The following PLEKHA5 variants were observed in gnomAD, a reference collection of about 807,000 sequenced individuals.
The protein encoded by PLEKHA5 is pleckstrin homology domain containing A5.
Under a neutral mutation model 181.9 loss-of-function variants are expected in PLEKHA5, and 55 were observed. The observed-to-expected ratio is 0.30, with a 90% CI of 0.24 to 0.38. The LOEUF is 0.38. Among genes scored for constraint, PLEKHA5 ranks in the 10% least tolerant of loss-of-function variants. The pLI, the probability that PLEKHA5 is intolerant of heterozygous loss-of-function variation, is 1.00. For synonymous variants in PLEKHA5, 535 were observed against 529.4 expected, an observed-to-expected ratio of 1.01 and a Z score of -0.15; for missense variants, 1,432 against 1,549.5, an observed-to-expected ratio of 0.92 and a Z score of 1.27.
chr12:19,165,771 A>C (rs1591885195), intron 3 of PLEKHA5, among the ~76,000 whole-genome samples: 1 of 152,142 alleles, frequency 6.6e-6, no homozygotes, highest in East Asian at 1.9e-4. Context: ...TTTTGGTCTA[A>C]CTATCAAATG....
At chr12:19,232,942 C>T (rs1412563146) in intron 3 of PLEKHA5, among the ~76,000 whole-genome samples, 1 of 152,076 alleles carries the variant, frequency 6.6e-6, no homozygotes, top group Non-Finnish European at 1.5e-5. Context: ...TACTCTACTT[C>T]AGTTTATATA....
At chr12:19,250,045 C>T (rs1053066331) in intron 3 of PLEKHA5, among the ~76,000 whole-genome samples, 2 of 152,184 alleles carry the variant, frequency 1.3e-5, no homozygotes, top group Admixed American at 1.3e-4. Context: ...ACCCACTAGA[C>T]ACCAGTAACA....
chr12:19,130,508 C>T lies in PLEKHA5; in HGVS notation c.169+378C>T, dbSNP rs1027952089. On this transcript the variant is annotated intron_variant, in intron 2 of 31. Coordinates refer to ENST00000429027, the MANE Select transcript of PLEKHA5 (RefSeq NM_001256470.2). The surrounding 1 kb of genome is among the most constrained non-coding windows in gnomAD (Gnocchi z 4.5). ...TCACTCCCCGGTGACCCCCAGCTGC[C>T]GTCTTGCCCCCCAGCAATCTTCAGG... Among the ~76,000 whole-genome samples, 12 of 151,824 alleles carry T rather than the reference C, an allele frequency of 7.9e-5. No homozygotes were observed. The highest frequency in any genetic ancestry group is 2.9e-4 in the African/African-American group (12 of 41,370).
intron 20 of PLEKHA5, among the ~76,000 whole-genome samples, chr12:19,334,193 G>A (rs1377452153): frequency 6.6e-6 from 1 of 152,110 alleles, no homozygotes; most frequent in East Asian, 1.9e-4. Flanking sequence ...GCTGTCCTCT[G>A]TTGTCTTGTG....
At chr12:19,368,139 G>A (rs1307136698) in intron 30 of PLEKHA5, among the ~76,000 whole-genome samples, 1 of 151,958 alleles carries the variant, frequency 6.6e-6, no homozygotes. Flanking sequence ...TATATTACCA[G>A]TCATGTTCCC....
chr12:19,281,972 C>T (rs1405478920), intron 11 of PLEKHA5, among the ~76,000 whole-genome samples: 5 of 151,830 alleles, frequency 3.3e-5, no homozygotes, highest in African/African-American at 7.3e-5. Context: ...TTCGAAGAGA[C>T]GGGGTTTCAC....
intron 20 of PLEKHA5, among the ~76,000 whole-genome samples, chr12:19,330,170 T>G (rs372254327): frequency 1.3e-5 from 2 of 152,190 alleles, no homozygotes; most frequent in African/African-American, 4.8e-5. Flanking sequence ...TCTAGAATTT[T>G]TAACAATAAA....
chr12:19,335,538 C>T (rs2093351814), intron 20 of PLEKHA5, among the ~76,000 whole-genome samples: 1 of 150,670 alleles, frequency 6.6e-6, no homozygotes, highest in Non-Finnish European at 1.5e-5. Context: ...GCCTCAGCCT[C>T]CTAAGCAGCT....
chr12:19,208,209 A>G (rs1209687181), intron 3 of PLEKHA5, among the ~76,000 whole-genome samples: 2 of 151,924 alleles, frequency 1.3e-5, no homozygotes, highest in Admixed American at 1.3e-4. Context: ...AGAGTTCGAG[A>G]CCAGCCTGGC....
chr12:19,278,421 G>C (rs1159701093), intron 11 of PLEKHA5, among the ~76,000 whole-genome samples: 2 of 152,144 alleles, frequency 1.3e-5, no homozygotes, highest in African/African-American at 4.8e-5. Context: ...GTGTGTTTTA[G>C]ATTGATAATG....
intron 11 of PLEKHA5, among the ~76,000 whole-genome samples, chr12:19,282,191 A>G (rs1235772682): frequency 1.3e-5 from 2 of 152,212 alleles, no homozygotes; most frequent in Admixed American, 6.5e-5. Flanking sequence ...TCCCAAAATT[A>G]ACATTTTAAA....
rs2070971555 is a variant in PLEKHA5 at position 19,267,684 on chromosome 12, C to G, written c.711+1834C>G. 2.0e-5 allele frequency among the ~76,000 whole-genome samples: 3 copies of G among 148,130 alleles called. No homozygotes were observed. The Admixed American group carries it at 2.0e-4, about 10-fold the overall frequency. On this transcript the variant is annotated intron_variant, in intron 8 of 31. Coordinates refer to ENST00000429027, the MANE Select transcript of PLEKHA5 (RefSeq NM_001256470.2). Reference sequence around the variant, plus strand: ...CTCCCCCAACCCCCCAAAAAAATAGCCAGGCACGGTGGCTCATGCCTGTAA... The same window carrying G: ...CTCCCCCAACCCCCCAAAAAAATAGGCAGGCACGGTGGCTCATGCCTGTAA...
At chr12:19,220,321 T>G (rs1299842449) in intron 3 of PLEKHA5, among the ~76,000 whole-genome samples, 1 of 152,060 alleles carries the variant, frequency 6.6e-6, no homozygotes, top group Non-Finnish European at 1.5e-5. Context: ...TAGCCACATT[T>G]CCAGATGAAA....
rs2089469388 is a variant in PLEKHA5 at position 19,317,922 on chromosome 12, T to G, written c.2119-2099T>G. 6.1e-5 allele frequency among the ~76,000 whole-genome samples: 6 copies of G among 98,206 alleles called. No homozygotes were observed. In the South Asian group the frequency reaches 1.9e-3, roughly 31 times the overall value. 64.4% of individuals were successfully genotyped at this position (98,206 alleles called of 152,430 possible). ...TCGAATGAAGTATTCAAACCAAACC[T>G]TTTTTTTTTTTTTTTTTTTTTTTGG... is the stretch of plus-strand genomic sequence containing the variant. On this transcript the variant is annotated intron_variant, in intron 16 of 31. Transcript: ENST00000429027.
intron 20 of PLEKHA5, among the ~76,000 whole-genome samples, chr12:19,325,619 CGGT>C (rs546018776): frequency 1.0e-3 from 151 of 150,314 alleles, no homozygotes; most frequent in African/African-American, 3.5e-3. Flanking sequence ...ACCCGGGAGG[CGGT>C]GGTTGCAGTG....
intron 3 of PLEKHA5, among the ~76,000 whole-genome samples, chr12:19,222,759 G>A (rs2059154291): frequency 6.6e-6 from 1 of 152,088 alleles, no homozygotes; most frequent in Non-Finnish European, 1.5e-5. Flanking sequence ...CTGGGCAGAT[G>A]CTGTAAATAT....
chr12:19,131,706 T>A (rs902780113), intron 2 of PLEKHA5, among the ~76,000 whole-genome samples: 1 of 152,160 alleles, frequency 6.6e-6, no homozygotes, highest in South Asian at 2.1e-4. Context: ...TTTACTTTGC[T>A]TGGACTCTGG....
chr12:19,333,450 C>T (rs574139676), intron 20 of PLEKHA5, among the ~76,000 whole-genome samples: 78 of 150,888 alleles, frequency 5.2e-4, no homozygotes, highest in African/African-American at 1.8e-3. Context: ...CGTGGTGGTG[C>T]GCACCTGTAG....
At position 19,257,432 on chromosome 12, in the gene PLEKHA5, G is replaced by T; in HGVS notation, c.433-1G>T. The T allele has an allele frequency of 6.7e-7, 1 of 1,490,226 alleles. No homozygotes were observed. The highest frequency in any genetic ancestry group is 1.2e-5 in the South Asian group (1 of 85,398). 92.3% of individuals were successfully genotyped at this position (1,490,226 alleles called of 1,614,324 possible). On this transcript the variant is annotated splice_acceptor_variant, in intron 5 of 31. Transcript: ENST00000429027. LOFTEE classifies it high-confidence loss of function. ...TTCTGTCATGCTCTTTTTCTATTTA[G>T]ACTTCACGAGCTTCAAAAAAAGTTC...
Sources: gnomAD v4.1 joint callset for allele counts (sites outside exome capture counted in the v4.1 genomes callset) on GRCh38, gnomAD v4.1.1 for gene constraint, Gnocchi (gnomAD v3.1) non-coding constraint, MANE v1.5 for transcripts, NCBI Gene and HGNC (gene_info 2026-07-23, HGNC 2026-07-21) for gene names.